Variants in USH2A observed in about 807,000 individuals in gnomAD.
USH2A encodes the protein Usher syndrome 2A (autosomal recessive, mild).
A neutral mutation model predicts 538.9 loss-of-function variants in USH2A; 443 were observed. The observed-to-expected ratio is 0.82, with a 90% CI of 0.76 to 0.89. The LOEUF is 0.89. USH2A is among the 40% of genes least tolerant of loss of function. The pLI is 0.00. For missense variants in USH2A, 6,633 were observed against 6,324.8 expected (o/e 1.05, Z -1.65); for synonymous variants, 2,413 against 2,273.5 (o/e 1.06, Z -1.75).
intron 38 of USH2A, among the ~76,000 whole-genome samples, chr1:215,925,648 G>T (rs1260134599): frequency 6.6e-6 from 1 of 152,090 alleles, no homozygotes; most frequent in African/African-American, 2.4e-5. Context: ...TCTACCCTCT[G>T]AATAAGGGAA....
At chr1:216,321,674 C>T (rs1392457982) in intron 9 of USH2A, among the ~76,000 whole-genome samples, 2 of 152,108 alleles carry the variant, frequency 1.3e-5, no homozygotes, top group African/African-American at 4.8e-5. Flanking sequence ...GTTGTAATTT[C>T]TCTGGCTGAA....
At chr1:216,076,133 GA>G (rs569248910) in intron 27 of USH2A, among the ~76,000 whole-genome samples, 1 of 152,114 alleles carries the variant, frequency 6.6e-6, no homozygotes, top group Non-Finnish European at 1.5e-5. Flanking sequence ...AATCTTAGGG[GA>G]CAGGGGTCCC....
chr1:215,848,929 T>C (rs969813723), intron 44 of USH2A, among the ~76,000 whole-genome samples: 2 of 152,152 alleles, frequency 1.3e-5, no homozygotes. Context: ...CAGTGAACCA[T>C]CTAAGAAACA....
intron 3 of USH2A, among the ~76,000 whole-genome samples, chr1:216,382,839 A>G (rs2038943511): frequency 6.6e-6 from 1 of 152,166 alleles, no homozygotes; most frequent in Non-Finnish European, 1.5e-5. Context: ...ACAACTTCTT[A>G]TGTATCTTGG....
intron 22 of USH2A, among the ~76,000 whole-genome samples, chr1:216,094,862 T>G (rs747493045): frequency 6.6e-6 from 1 of 152,154 alleles, no homozygotes; most frequent in Non-Finnish European, 1.5e-5. Flanking sequence ...AACTTACCTG[T>G]GGCCCAGATT....
intron 47 of USH2A, among the ~76,000 whole-genome samples, chr1:215,826,956 G>A (rs980425055): frequency 6.6e-6 from 1 of 152,116 alleles, no homozygotes; most frequent in African/African-American, 2.4e-5. Context: ...ATATGTCCTC[G>A]ATAATATGCA....
chr1:215,687,555 G>C (rs1199265727), intron 61 of USH2A, among the ~76,000 whole-genome samples: 1 of 151,730 alleles, frequency 6.6e-6, no homozygotes, highest in Non-Finnish European at 1.5e-5. Flanking sequence ...AAAACATTGG[G>C]GGAAAAATGG....
At chr1:216,142,718 C>T (rs1410887498) in intron 21 of USH2A, among the ~76,000 whole-genome samples, 2 of 152,150 alleles carry the variant, frequency 1.3e-5, no homozygotes, top group Non-Finnish European at 2.9e-5. Flanking sequence ...CAAATATAAA[C>T]TTGCAATAAT....
At chr1:215,810,568 A>T (rs1421901761) in intron 49 of USH2A, among the ~76,000 whole-genome samples, 3 of 152,192 alleles carry the variant, frequency 2.0e-5, no homozygotes, top group African/African-American at 7.2e-5. Flanking sequence ...ACTATTACTT[A>T]GTTCCATGAT....
intron 61 of USH2A, among the ~76,000 whole-genome samples, chr1:215,724,455 G>A (rs373903692): frequency 2.7e-4 from 38 of 142,528 alleles, no homozygotes; most frequent in South Asian, 1.8e-3. Flanking sequence ...CTGGAGACTC[G>A]GAAGGGTGGG....
At chr1:215,778,621 T>G (rs1661533966) in intron 55 of USH2A, among the ~76,000 whole-genome samples, 1 of 152,198 alleles carries the variant, frequency 6.6e-6, no homozygotes, top group Non-Finnish European at 1.5e-5. Flanking sequence ...TTCTGCACTT[T>G]TCTGTGAGTT....
chr1:216,167,087 C>T (rs2034184749), intron 21 of USH2A, among the ~76,000 whole-genome samples: 1 of 151,980 alleles, frequency 6.6e-6, no homozygotes, highest in Non-Finnish European at 1.5e-5. Flanking sequence ...AAACAAACGG[C>T]CTATGGCTAT....
At chr1:216,086,087 T>G (rs999319637) in intron 24 of USH2A, among the ~76,000 whole-genome samples, 2 of 152,124 alleles carry the variant, frequency 1.3e-5, no homozygotes, top group Non-Finnish European at 2.9e-5. Context: ...AAGGGTGATT[T>G]TTTTTCCTAT....
intron 4 of USH2A, among the ~76,000 whole-genome samples, chr1:216,355,041 C>T (rs2038357446): frequency 6.6e-6 from 1 of 152,018 alleles, no homozygotes; most frequent in African/African-American, 2.4e-5. Flanking sequence ...GGCATGGTGG[C>T]TCACACTTGT....
In USH2A at chr1:215,674,372, G is replaced by A. The variant is rs761673100; in HGVS notation, c.13539C>T (p.Asn4513=). The A allele has an allele frequency of 9.9e-6, 16 of 1,613,978 alleles. No individual in the cohort carries two copies. Among genetic ancestry groups the A allele is most frequent in the Admixed American group, 1.7e-5 (1 of 59,992 alleles). The part of the protein sequence containing the change: ...VEYSYTVTAS[N]SQGGILSPLV... ...GAGGACTCAAAATACCCCCTTGGCTGTTGCTGGCAGTTACTGTGTAGCTAT... is the reference window on the plus strand; with the variant it reads ...GAGGACTCAAAATACCCCCTTGGCTATTGCTGGCAGTTACTGTGTAGCTAT... Residue 4513 remains asparagine, a synonymous_variant, in exon 63 of 72, where the codon AAC becomes AAT. Coordinates refer to ENST00000307340, the MANE Select transcript of USH2A (RefSeq NM_206933.4).
At position 216,022,957 on chromosome 1, in the gene USH2A, G is replaced by A. The variant is rs75842658; in HGVS notation, c.6326-22395C>T. Among the ~76,000 whole-genome samples the A allele has an allele frequency of 2.1e-3, 318 of 152,224 alleles. 3 individuals carry two copies. Among genetic ancestry groups the A allele is most frequent in the Non-Finnish European group, 3.4e-3 (234 of 68,024 alleles). On this transcript the variant is annotated intron_variant, in intron 32 of 71. Coordinates refer to ENST00000307340, the MANE Select transcript of USH2A (RefSeq NM_206933.4). The stretch of plus-strand genomic sequence containing the variant: ...CATGGAGATGCCCAGTGGAGTAACC[G>A]TGGCACTTAGCCAATTGGTGTCCAG...
At chr1:216,082,271 G>GTTTCAGCGAACATTCATAGACATTACA (rs1558249043) in intron 26 of USH2A, among the ~76,000 whole-genome samples, 10 of 147,448 alleles carry the variant, frequency 6.8e-5, no homozygotes, top group Non-Finnish European at 1.3e-4. Context: ...TAGACATTAC[G>GTTTCAGCGAACATTCATAGACATTACA]TTTCAGCGAA....
chr1:216,422,236 C>T lies in USH2A; in HGVS notation c.101G>A (p.Arg34Gln), dbSNP rs2039690682. 1.2e-6 allele frequency: 2 copies of T among 1,612,988 alleles called. No individual in the cohort carries two copies. The highest frequency in any genetic ancestry group is 1.7e-6 in the Non-Finnish European group (2 of 1,179,392). ...YFASISLTES[R>Q]GLFPRLENVG... ...GTTCTCCAGCCTTGGGAAAAGACCT[C>T]GTGACTCAGTCAAGGATATTGAAGC... The change falls in exon 2 of 72, where the codon CGA becomes CAA. Residue 34 changes from arginine to glutamine, a missense_variant. Physicochemically the swap from Arg to Gln is conservative, Grantham distance 43 (BLOSUM62 1). Coordinates refer to ENST00000307340, the MANE Select transcript of USH2A (RefSeq NM_206933.4).
At chr1:215,813,275 G>A (rs1408483073) in intron 49 of USH2A, among the ~76,000 whole-genome samples, 1 of 152,154 alleles carries the variant, frequency 6.6e-6, no homozygotes. Flanking sequence ...CTTATGATGA[G>A]AGAATATTGC....
Sources: gnomAD v4.1 joint callset for allele counts (sites outside exome capture counted in the v4.1 genomes callset) on GRCh38, gnomAD v4.1.1 for gene constraint, MANE v1.5 for transcripts, NCBI Gene and HGNC (gene_info 2026-07-23, HGNC 2026-07-21) for gene names.